CBLC: variants seen among roughly 807,000 people sequenced by gnomAD.
The protein encoded by CBLC is Cbl proto-oncogene C.
A neutral mutation model predicts 58.6 loss-of-function variants in CBLC; 46 were observed. The observed-to-expected ratio is 0.79, with a 90% confidence interval of 0.62 to 1.00. CBLC has a LOEUF of 1.00. Among genes scored for constraint, CBLC ranks in the 50% least tolerant of loss-of-function variants. CBLC has a pLI of 0.00. For missense variants in CBLC, 655 were observed against 625.8 expected (o/e 1.05, Z -0.50); for synonymous variants, 271 against 264.2 (o/e 1.03, Z -0.25).
At chr19:44,782,774 T>A (rs1967784756) in intron 4 of CBLC, among the ~76,000 whole-genome samples, 1 of 152,148 alleles carries the variant, frequency 6.6e-6, no homozygotes, top group Admixed American at 6.5e-5. Flanking sequence ...TTCTGGTAGG[T>A]CAGAGTCATG....
chr19:44,783,382 A>G (rs4803756), intron 4 of CBLC, among the ~76,000 whole-genome samples: 33,215 of 152,028 alleles, frequency 0.22, 6,629 homozygotes, highest in African/African-American at 0.53. Flanking sequence ...GGTGGCGTGC[A>G]CCTGTAATCC....
Position 44,793,396 on chromosome 19 carries a change from C to T in CBLC, c.1138-78C>T, listed in dbSNP as rs1405536711. 36 of 1,426,066 alleles carry T rather than the reference C, an allele frequency of 2.5e-5. No homozygotes were observed. In the South Asian group the frequency reaches 3.0e-4, roughly 12 times the overall value. 88.3% of individuals were successfully genotyped at this position (1,426,066 alleles called of 1,614,324 possible). A position where few individuals can be genotyped will look rare whatever the true frequency, so the allele number is the denominator to read the frequency against. ...GTCTTCCCCACATCAATCTTTTGGG[C>T]GGGGAGCTCCTCGTTGGCCCAAGGG... On this transcript the variant is annotated intron_variant, in intron 7 of 10. Transcript: ENST00000647358.
intron 1 of CBLC, 53 bp from the exon 2 acceptor site, chr19:44,780,852 A>G: frequency 6.3e-7 from 1 of 1,579,878 alleles, no homozygotes; most frequent in South Asian, 1.1e-5. Context: ...GGGGAGGAAG[A>G]GGGTGTCAGT....
In CBLC at chr19:44,784,136, C is replaced by G. The variant is rs1010558458; in HGVS notation, c.780-128C>G. The G allele has an allele frequency of 3.7e-6, 3 of 804,728 alleles. No individual in the cohort carries two copies. The African/African-American group carries it at 5.1e-5, about 14-fold the overall frequency. 49.8% of individuals were successfully genotyped at this position (804,728 alleles called of 1,614,324 possible). On this transcript the variant is annotated intron_variant, in intron 4 of 10. Coordinates refer to ENST00000647358, the MANE Select transcript of CBLC (RefSeq NM_012116.4). The stretch of plus-strand genomic sequence containing the variant: ...GCAGGGGTCTAGCACATGCCGTTGC[C>G]TAGAGGATGGGAAGCTGGGGGTGAG...
intron 5 of CBLC, among the ~76,000 whole-genome samples, chr19:44,785,179 G>A (rs1004976072): frequency 3.3e-5 from 5 of 151,238 alleles, no homozygotes; most frequent in Admixed American, 2.0e-4. Flanking sequence ...GTTTCACCAT[G>A]TTGGTCAGGC....
upstream of CBLC, chr19:44,777,870 C>G (rs1967605577): frequency 7.1e-7 from 1 of 1,407,750 alleles, no homozygotes; most frequent in Non-Finnish European, 9.3e-7. Context: ...TCTCCTTTCA[C>G]TCTGGGCGAG....
chr19:44,791,733 A>C (rs76868725), intron 6 of CBLC, among the ~76,000 whole-genome samples: 1 of 138,534 alleles, frequency 7.2e-6, no homozygotes, highest in Non-Finnish European at 1.6e-5. Context: ...CTGCGTCTCC[A>C]AAAAAAAAAA....
At chr19:44,779,008 C>A (rs1316452061) in intron 1 of CBLC, among the ~76,000 whole-genome samples, 1 of 152,226 alleles carries the variant, frequency 6.6e-6, no homozygotes, top group Non-Finnish European at 1.5e-5. Context: ...CCGATTTTGC[C>A]ATTTCCTTGG....
Position 44,792,407 on chromosome 19 carries a change from A to G in CBLC, c.1030A>G (p.Met344Val), listed in dbSNP as rs149074838. The change falls in exon 7 of 11, where the codon ATG becomes GTG. Residue 344 changes from methionine to valine, a missense_variant. Met to Val is a conservative substitution (Grantham distance 21). Around this residue, in one of 3 missense-constraint regions of CBLC, gnomAD observed 371 missense variants for 370.8 expected, o/e 1.00. Coordinates refer to ENST00000647358, the MANE Select transcript of CBLC (RefSeq NM_012116.4). ...GGAGCAGCTGCAGCTCTACTGGGCCATGGACTCCACATTTGAGCTCTGCAA... is the reference window on the plus strand; with the variant it reads ...GGAGCAGCTGCAGCTCTACTGGGCCGTGGACTCCACATTTGAGCTCTGCAA... ...SEEQLQLYWAMDSTFELCKIC... is the reference protein window; with the variant it reads ...SEEQLQLYWAVDSTFELCKIC... The G allele has an allele frequency of 8.0e-3, 12,962 of 1,613,574 alleles. 77 individuals are homozygous for G. Among genetic ancestry groups the G allele is most frequent in the Middle Eastern group, 0.021 (129 of 6,056 alleles).
In CBLC at chr19:44,781,047, G is replaced by A; in HGVS notation, c.496G>A (p.Ala166Thr). 1.9e-6 allele frequency: 3 copies of A among 1,611,758 alleles called. No individual in the cohort carries two copies. The highest frequency in any genetic ancestry group is 2.5e-6 in the Non-Finnish European group (3 of 1,179,570). Reference sequence around the variant, plus strand: ...CACCTTCTGGAGGGAAAGTTGCGGAGCCCGGTGAGTAAGCCCTTGTCCTCA... The same window carrying A: ...CACCTTCTGGAGGGAAAGTTGCGGAACCCGGTGAGTAAGCCCTTGTCCTCA... ...AHTFWRESCGARCVLPWAEFE... is the reference protein window; with the variant it reads ...AHTFWRESCGTRCVLPWAEFE... The change falls in exon 2 of 11, where the codon GCC becomes ACC. Residue 166 changes from alanine (A) to threonine (T), a missense_variant. Physicochemically the swap from Ala to Thr is moderately conservative, Grantham distance 58. This residue lies in a region of CBLC where 280 missense variants were observed against 237.2 expected (regional missense o/e 1.18). Transcript: ENST00000647358.
At chr19:44,792,331 C>T (rs1968073080) in intron 6 of CBLC, 52 bp from the exon 7 acceptor site, 2 of 1,603,880 alleles carry the variant, frequency 1.2e-6, no homozygotes, top group African/African-American at 1.3e-5. Flanking sequence ...AAGTTGTGTC[C>T]CCGTGGCTGA....
chr19:44,796,599 G>A (rs1968182817), intron 9 of CBLC, among the ~76,000 whole-genome samples: 1 of 152,000 alleles, frequency 6.6e-6, no homozygotes, highest in Non-Finnish European at 1.5e-5. Flanking sequence ...TGGTCAGGCT[G>A]GTCTCGAACT....
intron 9 of CBLC, among the ~76,000 whole-genome samples, chr19:44,798,675 G>T (rs1326690034): frequency 2.0e-5 from 3 of 152,108 alleles, no homozygotes; most frequent in African/African-American, 7.2e-5. Context: ...GGTGGAAGTT[G>T]CAGTGAGCCA....
At chr19:44,782,542 G>T (rs1215128738) in intron 4 of CBLC, 51 bp downstream of exon 4, 2 of 1,499,780 alleles carry the variant, frequency 1.3e-6, no homozygotes, top group Non-Finnish European at 1.9e-6. Context: ...CAGGGATCTG[G>T]GCTCTGGGCT....
rs1041520350 is a variant in CBLC, at chr19:44,800,606, C to A, written c.*63C>A. 1.8e-6 allele frequency: 1 copy of A among 567,290 alleles called. No homozygotes were observed. The highest frequency in any genetic ancestry group is 3.2e-6 in the Non-Finnish European group (1 of 316,058). The allele number at this position is 567,290 out of a possible 1,614,324, so 35.1% of individuals were successfully genotyped here. A position where few individuals can be genotyped will look rare whatever the true frequency, so the allele number is the denominator to read the frequency against. ...CAAGGGCTGGAAGGGGGTTGTGAAA[C>A]CGAAATAAACTGCCAAGCCTGGTCT... On this transcript the variant is annotated 3_prime_UTR_variant, in exon 11 of 11. Transcript: ENST00000647358.
At chr19:44,782,028 G>A (rs1967760383) in intron 3 of CBLC, among the ~76,000 whole-genome samples, 1 of 134,584 alleles carries the variant, frequency 7.4e-6, no homozygotes, top group Non-Finnish European at 1.6e-5. Flanking sequence ...TCCAGGGTCT[G>A]AGGGAGGAGG....
intron 9 of CBLC, among the ~76,000 whole-genome samples, chr19:44,797,029 G>C (rs1968193091): frequency 6.6e-6 from 1 of 152,158 alleles, no homozygotes; most frequent in Non-Finnish European, 1.5e-5. Context: ...CAGTGATGGG[G>C]GACACAGCCA....
chr19:44,792,330 C>G lies in CBLC; in HGVS notation c.1006-53C>G, dbSNP rs934878597. 2.8e-5 allele frequency: 45 copies of G among 1,602,876 alleles called. No homozygotes were observed. In the African/African-American group the frequency reaches 5.3e-4, roughly 19 times the overall value. On this transcript the variant is annotated intron_variant, in intron 6 of 10. Coordinates refer to ENST00000647358, the MANE Select transcript of CBLC (RefSeq NM_012116.4). ...TTTCTTCCTGTGGCCCAAGTTGTGT[C>G]CCCGTGGCTGACGCATGCCCCTCGC...
At chr19:44,790,499 G>T (rs567485122) in intron 6 of CBLC, among the ~76,000 whole-genome samples, 1 of 151,956 alleles carries the variant, frequency 6.6e-6, no homozygotes, top group Admixed American at 6.6e-5. Flanking sequence ...GCAGTGGTGC[G>T]ATCATGGCTC....
Sources: allele counts gnomAD v4.1 joint callset (sites outside exome capture counted in the v4.1 genomes callset), GRCh38; gene constraint gnomAD v4.1.1; regional missense constraint gnomAD v4.1.1; transcripts MANE v1.5; gene names NCBI Gene and HGNC (gene_info 2026-07-23, HGNC 2026-07-21).